Variants in OLFM1 observed in about 807,000 individuals in gnomAD.
OLFM1 encodes the protein noelin.
A neutral mutation model predicts 49.7 loss-of-function variants in OLFM1; 9 were observed. The ratio of observed to expected loss-of-function variants is 0.18; its 90% CI spans 0.11 to 0.32. The LOEUF (loss-of-function observed/expected upper bound fraction) is 0.32, where lower values mean the gene tolerates loss of function less well. Among genes scored for constraint, OLFM1 ranks in the 10% least tolerant of loss-of-function variants. The pLI, the probability that OLFM1 is intolerant of heterozygous loss-of-function variation, is 1.00. For missense variants in OLFM1, 369 were observed against 661.8 expected (o/e 0.56, Z 4.85); for synonymous variants, 240 against 271.8 (o/e 0.88, Z 1.15).
chr9:135,119,584 T>G lies in OLFM1; in HGVS notation c.864T>G (p.Asn288Lys). 1 of 1,614,024 alleles carries G rather than the reference T, an allele frequency of 6.2e-7. No individual in the cohort carries two copies. The highest frequency in any genetic ancestry group is 8.5e-7 in the Non-Finnish European group (1 of 1,180,010). Residue 288 changes from asparagine (N) to lysine (K), a missense_variant, in exon 6 of 6, where the codon AAT becomes AAG. By Grantham distance (94) the Asn-to-Lys change is moderately conservative. This residue lies in a region of OLFM1 where 294 missense variants were observed against 567.5 expected (regional missense o/e 0.52). Transcript: ENST00000371793. ...KSMVDFMNTD[N>K]FTSHRLPHPW... is the part of the protein sequence containing the mutation. ...TGGTTGACTTCATGAACACGGACAA[T>G]TTCACCTCCCACCGTCTCCCCCACC...
Position 135,120,715 on chromosome 9 carries a change from T to C in OLFM1, c.*537T>C, listed in dbSNP as rs1021388420. The C allele has an allele frequency of 6.3e-6, 1 of 158,700 alleles. No individual in the cohort carries two copies. Among genetic ancestry groups the C allele is most frequent in the Non-Finnish European group, 1.4e-5 (1 of 72,150 alleles). The allele number at this position is 158,700 out of a possible 1,614,324, so 9.8% of individuals were successfully genotyped here. A position where few individuals can be genotyped will look rare whatever the true frequency, so the allele number is the denominator to read the frequency against. ...AGCTCCTGGACCTGTGTCTAGTACATACTGAAGCGATGGTCAGAGTGTGTA... is the reference window on the plus strand; with the variant it reads ...AGCTCCTGGACCTGTGTCTAGTACACACTGAAGCGATGGTCAGAGTGTGTA... On this transcript the variant is annotated 3_prime_UTR_variant, in exon 6 of 6. Coordinates refer to ENST00000371793, the MANE Select transcript of OLFM1 (RefSeq NM_001282611.2).
rs544575145 is a variant in OLFM1, at chr9:135,113,560, C to T, written c.784-5944C>T. Among the ~76,000 whole-genome samples, 8 of 152,246 alleles carry T rather than the reference C, an allele frequency of 5.3e-5. No individual in the cohort carries two copies. The highest frequency in any genetic ancestry group is 2.1e-4 in the South Asian group (1 of 4,824). The stretch of plus-strand genomic sequence containing the variant: ...CTCCCCAGGTCTCGCTGGAGACTGG[C>T]GGTGGCTGGCGGTGGAGGCGCTTCT... On this transcript the variant is annotated intron_variant, in intron 5 of 5. Transcript: ENST00000371793. The surrounding 1 kb of genome is among the most constrained non-coding windows in gnomAD (Gnocchi z 4.0).
intron 2 of OLFM1, among the ~76,000 whole-genome samples, chr9:135,094,169 G>C (rs991054070): frequency 6.6e-6 from 1 of 152,138 alleles, no homozygotes; most frequent in Non-Finnish European, 1.5e-5. Flanking sequence ...CGGCCATGTG[G>C]CTGCAGGAGC....
Position 135,113,704 on chromosome 9 carries a change from G to T in OLFM1, c.784-5800G>T, listed in dbSNP as rs1831054774. Among the ~76,000 whole-genome samples the T allele has an allele frequency of 6.6e-6, 1 of 152,228 alleles. No individual in the cohort carries two copies. The highest frequency in any genetic ancestry group is 1.5e-5 in the Non-Finnish European group (1 of 68,032). ...ACCCACGGTGTGCCCTGAGCTGAGT[G>T]GGGGTGCTGGGTCACAGTGAGGCGG... On this transcript the variant is annotated intron_variant, in intron 5 of 5. Coordinates refer to ENST00000371793, the MANE Select transcript of OLFM1 (RefSeq NM_001282611.2). This position sits in a 1 kb window ranked among gnomAD's most constrained non-coding sequence, Gnocchi z 4.0.
In OLFM1 at chr9:135,077,125, G is replaced by T. The variant is rs74836180; in HGVS notation, c.96+1323G>T. On this transcript the variant is annotated intron_variant, in intron 1 of 5. Coordinates refer to the OLFM1 transcript ENST00000252854. The stretch of plus-strand genomic sequence containing the variant: ...TGGAGGGTGGTGGTTGTGCACTGTT[G>T]CTGGACAGATGCATTCATTCATGTG... 3,871 of 1,550,422 alleles carry T rather than the reference G, an allele frequency of 2.5e-3. 95 individuals are homozygous for T. In the South Asian group the frequency reaches 0.03, roughly 12 times the overall value.
rs1389691540 is a variant in OLFM1 at position 135,120,331 on chromosome 9, G to GTGTTT, written c.*154_*158dup. The GTGTTT allele has an allele frequency of 2.0e-5, 14 of 700,304 alleles. 1 individual carries two copies. The Admixed American group carries it at 3.4e-4, about 17-fold the overall frequency. The allele number at this position is 700,304 out of a possible 1,614,324, so 43.4% of individuals were successfully genotyped here. On this transcript the variant is annotated 3_prime_UTR_variant, in exon 6 of 6. Transcript: ENST00000371793. ...GACATCGAGGGATGGCATTACCTCC[G>GTGTTT]TGTTTCTCCCTTTCGAGCCGGCGGG...
rs1830637058 is a variant in OLFM1 at position 135,088,695 on chromosome 9, G to A, written c.150+556G>A. On this transcript the variant is annotated intron_variant, in intron 1 of 5. Coordinates refer to ENST00000371793, the MANE Select transcript of OLFM1 (RefSeq NM_001282611.2). This position sits in a 1 kb window ranked among gnomAD's most constrained non-coding sequence, Gnocchi z 4.8. ...GCGCCTGCATTCCCAAAGTCCCAAG[G>A]CGCCCTTTCCTCCCCAGTCCATAGG... 6.6e-6 allele frequency among the ~76,000 whole-genome samples: 1 copy of A among 152,164 alleles called. No individual in the cohort carries two copies. Among genetic ancestry groups the A allele is most frequent in the South Asian group, 2.1e-4 (1 of 4,834 alleles).
intron 5 of OLFM1, among the ~76,000 whole-genome samples, chr9:135,114,981 C>T (rs559372807): frequency 6.6e-6 from 1 of 152,290 alleles, no homozygotes; most frequent in South Asian, 2.1e-4. Context: ...CACCCCTGCT[C>T]TATGGCAGGA....
At chr9:135,104,225 G>A (rs1830908135) in intron 4 of OLFM1, among the ~76,000 whole-genome samples, 1 of 152,226 alleles carries the variant, frequency 6.6e-6, no homozygotes, top group African/African-American at 2.4e-5. Context: ...GCAAGCCAGT[G>A]AAGGTGGGTG....
intron 3 of OLFM1, among the ~76,000 whole-genome samples, chr9:135,096,263 CTTCTTCTCCTCCTCTTCCCCCTCA>C: frequency 8.9e-6 from 1 of 112,780 alleles, no homozygotes; most frequent in African/African-American, 3.5e-5. Context: ...CCTCCCTCTC[CTTCTTCTCCTCCTCTTCCCCCTCA>C]TCCTCTTCAT....
intron 5 of OLFM1, among the ~76,000 whole-genome samples, chr9:135,108,758 C>T (rs1005426398): frequency 3.9e-5 from 6 of 152,220 alleles, no homozygotes; most frequent in East Asian, 3.8e-4. Flanking sequence ...CAGCCATCTG[C>T]GTGCCCTTCC....
chr9:135,095,406 G>C (rs1830774912), intron 2 of OLFM1, among the ~76,000 whole-genome samples: 1 of 152,004 alleles, frequency 6.6e-6, no homozygotes, highest in South Asian at 2.1e-4. Flanking sequence ...ATTTATACCT[G>C]GGGGCGGGGC....
chr9:135,095,718 C>T (rs982557218), intron 2 of OLFM1, 146 bp from the exon 3 acceptor site: 30 of 798,462 alleles, frequency 3.8e-5, no homozygotes, highest in Admixed American at 4.7e-5. Context: ...GCGATGCTGG[C>T]GATTACCTTG....
At chr9:135,099,005 G>A (rs1432669895) in intron 4 of OLFM1, among the ~76,000 whole-genome samples, 2 of 152,236 alleles carry the variant, frequency 1.3e-5, no homozygotes, top group Non-Finnish European at 2.9e-5. Flanking sequence ...AGCCTGGAAG[G>A]GGAGGAGCCT....
In OLFM1 at chr9:135,076,914, G is replaced by A. The variant is rs572742811; in HGVS notation, c.96+1112G>A. 7.2e-5 allele frequency: 112 copies of A among 1,550,674 alleles called. No individual in the cohort carries two copies. In the African/African-American group the frequency reaches 1.2e-3, roughly 17 times the overall value. On this transcript the variant is annotated intron_variant, in intron 1 of 5. Transcript: ENST00000252854. The stretch of plus-strand genomic sequence containing the variant: ...CGAGCTTCCCTTGTTTTGCCTGGAA[G>A]CCCACGCTGGCTCCCTGGCTCTGCC...
At chr9:135,091,117 C>T (rs1028272206) in intron 2 of OLFM1, among the ~76,000 whole-genome samples, 4 of 152,184 alleles carry the variant, frequency 2.6e-5, no homozygotes, top group South Asian at 2.1e-4. Flanking sequence ...AGTGGGCACT[C>T]GGACCCACAT....
rs1196539118 is a variant in OLFM1, at chr9:135,080,953, A to T, written c.96+5151A>T. On this transcript the variant is annotated intron_variant, in intron 1 of 5. Coordinates refer to the OLFM1 transcript ENST00000252854. The surrounding 1 kb of genome is among the most constrained non-coding windows in gnomAD (Gnocchi z 4.5). The stretch of plus-strand genomic sequence containing the variant: ...GTTTTTTTAGATTATTAAAATAATA[A>T]TCTAAATATTATAAATAATAATGAT... Among the ~76,000 whole-genome samples the T allele has an allele frequency of 6.6e-6, 1 of 151,136 alleles. No individual in the cohort carries two copies. Among genetic ancestry groups the T allele is most frequent in the Non-Finnish European group, 1.5e-5 (1 of 67,848 alleles).
Position 135,087,867 on chromosome 9 carries a change from C to T in OLFM1, c.-123C>T. The T allele has an allele frequency of 1.2e-6, 1 of 845,126 alleles. No individual in the cohort carries two copies. The highest frequency in any genetic ancestry group is 1.4e-6 in the Non-Finnish European group (1 of 705,538). The allele number at this position is 845,126 out of a possible 1,614,324, so 52.4% of individuals were successfully genotyped here. ...GCGGCGGCGGGCGGGCGGCGGCGGG[C>T]CGAGGGGGCGCGGGGACACAGCCAG... is the stretch of plus-strand genomic sequence containing the variant. On this transcript the variant is annotated 5_prime_UTR_variant, in exon 1 of 6. Transcript: ENST00000371793.
chr9:135,091,940 A>G (rs962285870), intron 2 of OLFM1, among the ~76,000 whole-genome samples: 1 of 150,242 alleles, frequency 6.7e-6, no homozygotes, highest in Non-Finnish European at 1.5e-5. Flanking sequence ...CACACACACA[A>G]TAGTAAAGCC....
Sources: gnomAD v4.1 joint callset for allele counts (sites outside exome capture counted in the v4.1 genomes callset) on GRCh38, gnomAD v4.1.1 for gene constraint, gnomAD v4.1.1 regional missense constraint, Gnocchi (gnomAD v3.1) non-coding constraint, MANE v1.5 for transcripts, NCBI Gene and HGNC (gene_info 2026-07-23, HGNC 2026-07-21) for gene names.